The following PPP2R5A variants were observed in gnomAD, a reference collection of about 807,000 sequenced individuals.
PPP2R5A encodes protein phosphatase 2 regulatory subunit B'alpha.
A neutral mutation model predicts 64.2 loss-of-function variants in PPP2R5A; 25 were observed. The observed-to-expected ratio is 0.39, with a 90% CI of 0.28 to 0.54. The LOEUF is 0.54. Among genes scored for constraint, PPP2R5A ranks in the 20% least tolerant of loss-of-function variants. The pLI is 0.67. For missense variants in PPP2R5A, 425 were observed against 576.3 expected (o/e 0.74, Z 2.69); for synonymous variants, 198 against 201.2 (o/e 0.98, Z 0.13).
chr1:212,316,587 CTTTTTTT>C (rs751228809), intron 1 of PPP2R5A, among the ~76,000 whole-genome samples: 867 of 36,716 alleles, frequency 0.024, 31 homozygotes, highest in African/African-American at 0.064. Context: ...TTGTGGGTGA[CTTTTTTT>C]TTTTTTTTTT....
At chr1:212,317,198 C>T (rs1338089530) in intron 1 of PPP2R5A, among the ~76,000 whole-genome samples, 1 of 152,040 alleles carries the variant, frequency 6.6e-6, no homozygotes. Flanking sequence ...TGCCTATGGG[C>T]CTATTTTTCT....
intron 3 of PPP2R5A, among the ~76,000 whole-genome samples, chr1:212,340,519 C>T (rs775266569): frequency 9.9e-5 from 15 of 152,284 alleles, no homozygotes; most frequent in Non-Finnish European, 1.3e-4. Flanking sequence ...CTTTTCAGAG[C>T]GCTCTGTGAT....
intron 1 of PPP2R5A, among the ~76,000 whole-genome samples, chr1:212,317,634 C>T (rs1659182656): frequency 6.6e-6 from 1 of 151,980 alleles, no homozygotes. Flanking sequence ...ATCTTACTGC[C>T]CACCAATGGC....
At chr1:212,321,864 C>T (rs1330209619) in intron 1 of PPP2R5A, among the ~76,000 whole-genome samples, 6 of 150,350 alleles carry the variant, frequency 4.0e-5, no homozygotes, top group African/African-American at 1.2e-4. Context: ...TGTAGCGAGC[C>T]GAGATCATGC....
chr1:212,290,671 T>G (rs35556190), intron 1 of PPP2R5A, among the ~76,000 whole-genome samples: 19,816 of 152,278 alleles, frequency 0.13, 1,610 homozygotes, highest in Middle Eastern at 0.22. Context: ...CTCCTCTCCA[T>G]TTTATTACCT....
rs532896402 is a variant in PPP2R5A, at chr1:212,339,597, G to T, written c.481-2591G>T. Among the ~76,000 whole-genome samples the T allele has an allele frequency of 7.9e-5, 12 of 152,320 alleles. No homozygotes were observed. The South Asian group carries it at 2.5e-3, about 32-fold the overall frequency. ...CTAATGTTTACTGTGTCAGGTAAAT[G>T]ATGTAGATGAAAACTATGAAAGAAT... On this transcript the variant is annotated intron_variant, in intron 3 of 12. Transcript: ENST00000261461.
intron 1 of PPP2R5A, among the ~76,000 whole-genome samples, chr1:212,304,477 A>G (rs1658858919): frequency 6.6e-6 from 1 of 151,868 alleles, no homozygotes; most frequent in Non-Finnish European, 1.5e-5. Context: ...TGAACCTGGG[A>G]GGAGGAGGTT....
At chr1:212,352,769 G>C in intron 8 of PPP2R5A, 1 of 518,386 alleles carries the variant, frequency 1.9e-6, no homozygotes, top group Non-Finnish European at 3.8e-6. Context: ...TTTCAATTAC[G>C]CATATCAAAT....
chr1:212,323,811 C>T (rs927092045), intron 1 of PPP2R5A, among the ~76,000 whole-genome samples: 2 of 152,102 alleles, frequency 1.3e-5, no homozygotes, highest in Non-Finnish European at 2.9e-5. Context: ...CGGTGGCTCA[C>T]GCCTGTAATC....
intron 1 of PPP2R5A, among the ~76,000 whole-genome samples, chr1:212,324,473 G>A (rs1369726505): frequency 6.6e-6 from 1 of 152,166 alleles, no homozygotes; most frequent in Non-Finnish European, 1.5e-5. Flanking sequence ...TTAGCCTGTA[G>A]TGTTAGAAAA....
intron 1 of PPP2R5A, among the ~76,000 whole-genome samples, chr1:212,312,529 T>C (rs1358725223): frequency 6.6e-6 from 1 of 152,228 alleles, no homozygotes; most frequent in African/African-American, 2.4e-5. Flanking sequence ...TTGTCAGAAG[T>C]TGATCTCCCT....
At chr1:212,359,832 C>A (rs1281165493) in intron 12 of PPP2R5A, among the ~76,000 whole-genome samples, 1 of 152,102 alleles carries the variant, frequency 6.6e-6, no homozygotes, top group African/African-American at 2.4e-5. Context: ...CCTCAGGAAG[C>A]AATGGGAAGA....
At chr1:212,295,348 A>G (rs1347517688) in intron 1 of PPP2R5A, among the ~76,000 whole-genome samples, 1 of 152,234 alleles carries the variant, frequency 6.6e-6, no homozygotes, top group Non-Finnish European at 1.5e-5. Flanking sequence ...ATTGAAAGGG[A>G]AAAAAGACAT....
chr1:212,328,746 C>T (rs148908437), intron 1 of PPP2R5A, among the ~76,000 whole-genome samples: 66 of 152,056 alleles, frequency 4.3e-4, no homozygotes, highest in African/African-American at 1.5e-3. Context: ...GAAATGGCAG[C>T]GGGAATGACA....
At chr1:212,307,073 C>T (rs2102417691) in intron 1 of PPP2R5A, among the ~76,000 whole-genome samples, 1 of 152,260 alleles carries the variant, frequency 6.6e-6, no homozygotes, top group East Asian at 1.9e-4. Context: ...AATCCATTTA[C>T]ACTTAATGTA....
chr1:212,301,805 T>TA, intron 1 of PPP2R5A: 6 of 1,149,804 alleles, frequency 5.2e-6, no homozygotes, highest in Non-Finnish European at 6.4e-6. Flanking sequence ...GCTGGGTTGC[T>TA]ATGATACAGT....
chr1:212,361,536 T>G lies in PPP2R5A; in HGVS notation c.*766T>G, dbSNP rs961081392. On this transcript the variant is annotated 3_prime_UTR_variant, in exon 13 of 13. Transcript: ENST00000261461. ...AAGGCTGAAGGCAGGGCCTTTCCAG[T>G]CCTCACAACCTGTCCTTCACCTAGT... 1 of 152,704 alleles carries G rather than the reference T, an allele frequency of 6.5e-6. No individual in the cohort carries two copies. The highest frequency in any genetic ancestry group is 2.4e-5 in the African/African-American group (1 of 41,470). 9.5% of individuals were successfully genotyped at this position (152,704 alleles called of 1,614,324 possible). A position where few individuals can be genotyped will look rare whatever the true frequency, so the allele number is the denominator to read the frequency against.
intron 8 of PPP2R5A, chr1:212,352,705 C>T: frequency 2.1e-6 from 1 of 475,152 alleles, no homozygotes. Context: ...CTGCCTTGGC[C>T]TCCCAAAGTG....
chr1:212,336,115 A>G (rs557600024), intron 3 of PPP2R5A, among the ~76,000 whole-genome samples: 20 of 151,692 alleles, frequency 1.3e-4, no homozygotes, highest in Non-Finnish European at 2.7e-4. Flanking sequence ...TTCTTTTTTT[A>G]TTTATGTATT....
Sources: allele counts gnomAD v4.1 joint callset (sites outside exome capture counted in the v4.1 genomes callset), GRCh38; gene constraint gnomAD v4.1.1; transcripts MANE v1.5; gene names NCBI Gene and HGNC (gene_info 2026-07-23, HGNC 2026-07-21).